The following GATC variants were observed in gnomAD, a reference collection of about 807,000 sequenced individuals.
GATC encodes glutamyl-tRNA amidotransferase subunit C, also known as glutamyl-tRNA(Gln) amidotransferase subunit C, mitochondrial.
Under a neutral mutation model 14.4 loss-of-function variants are expected in GATC, and 11 were observed. That is an observed-to-expected ratio of 0.77 (90% CI 0.48 to 1.27). The LOEUF is 1.27. Ranked by LOEUF, GATC falls within the 50% of genes most tolerant of loss-of-function variation. The pLI, the probability that GATC is intolerant of heterozygous loss-of-function variation, is 0.00. For synonymous variants in GATC, 76 were observed against 79.3 expected, an observed-to-expected ratio of 0.96 and a Z score of 0.22; for missense variants, 204 against 183.0, an observed-to-expected ratio of 1.11 and a Z score of -0.66.
chr12:120,451,895 T>TTTTTTTTTTTTTTTTG (rs1878062112), intron 2 of GATC, among the ~76,000 whole-genome samples: 1 of 144,082 alleles, frequency 6.9e-6, no homozygotes, highest in Non-Finnish European at 1.5e-5. Flanking sequence ...TTTTTTTTTT[T>TTTTTTTTTTTTTTTTG]GAGCTGGAGT....
intron 2 of GATC, among the ~76,000 whole-genome samples, chr12:120,447,901 G>A (rs146068707): frequency 1.1e-4 from 17 of 151,820 alleles, no homozygotes; most frequent in African/African-American, 2.7e-4. Flanking sequence ...CCACAGGCGC[G>A]TGCCACTTGG....
chr12:120,447,259 A>G (rs1877901781), intron 2 of GATC, among the ~76,000 whole-genome samples: 2 of 151,574 alleles, frequency 1.3e-5, no homozygotes, highest in Admixed American at 6.6e-5. Context: ...TTGTATTTTT[A>G]GTAGAGACGT....
At chr12:120,459,367 A>G (rs951299357) in intron 3 of GATC, among the ~76,000 whole-genome samples, 1 of 152,174 alleles carries the variant, frequency 6.6e-6, no homozygotes, top group African/African-American at 2.4e-5. Context: ...TTCTAGTCCT[A>G]TCTGCATATT....
intron 2 of GATC, among the ~76,000 whole-genome samples, chr12:120,451,525 T>G (rs1878044785): frequency 6.6e-6 from 1 of 152,014 alleles, no homozygotes; most frequent in African/African-American, 2.4e-5. Context: ...GTGGATCACC[T>G]GAGGCCAGGA....
rs1048170409 is a variant in GATC at position 120,460,054 on chromosome 12, G to C, written c.*95G>C. On this transcript the variant is annotated 3_prime_UTR_variant, in exon 4 of 4. Coordinates refer to ENST00000551765, the MANE Select transcript of GATC (RefSeq NM_176818.3). ...AATACTAATGTTCCTGCTTTTTTCA[G>C]TCCCCTGAAAAAATGGATGCTCAAG... The C allele has an allele frequency of 3.3e-6, 3 of 917,796 alleles. No homozygotes were observed. The African/African-American group carries it at 5.1e-5, about 16-fold the overall frequency. The allele number at this position is 917,796 out of a possible 1,614,324, so 56.9% of individuals were successfully genotyped here.
At chr12:120,450,485 A>G (rs968781853) in intron 2 of GATC, 1 of 152,406 alleles carries the variant, frequency 6.6e-6, no homozygotes, top group Non-Finnish European at 1.5e-5. Context: ...GGTAACAAGT[A>G]TATAACCAAA....
intron 2 of GATC, among the ~76,000 whole-genome samples, chr12:120,448,627 C>CA (rs1174010268): frequency 1.4e-5 from 2 of 137,974 alleles, no homozygotes; most frequent in African/African-American, 5.6e-5. Flanking sequence ...CTGCACTGGC[C>CA]AAAAAAGTCC....
rs1196467793 is a variant in GATC, at chr12:120,461,462, G to C, written c.*1503G>C. The C allele has an allele frequency of 6.6e-6, 1 of 151,902 alleles. No homozygotes were observed. Among genetic ancestry groups the C allele is most frequent in the Non-Finnish European group, 1.5e-5 (1 of 67,986 alleles). The allele number at this position is 151,902 out of a possible 1,614,324, so 9.4% of individuals were successfully genotyped here. On this transcript the variant is annotated 3_prime_UTR_variant, in exon 4 of 4. Transcript: ENST00000551765. Reference sequence around the variant, plus strand: ...TAAGGCAGCCTAATTTACAAGCTTGGCCTTGAATTAAAAGAGAACCCAGAA... The same window carrying C: ...TAAGGCAGCCTAATTTACAAGCTTGCCCTTGAATTAAAAGAGAACCCAGAA...
chr12:120,454,304 T>C (rs543412293), intron 2 of GATC, among the ~76,000 whole-genome samples: 14 of 152,322 alleles, frequency 9.2e-5, no homozygotes, highest in African/African-American at 3.4e-4. Context: ...TTTTTTAACA[T>C]TTCATTTAAT....
Position 120,461,948 on chromosome 12 carries a change from G to A in GATC, c.*1989G>A, listed in dbSNP as rs1221531797. 7.9e-6 allele frequency: 11 copies of A among 1,395,620 alleles called. No homozygotes were observed. The highest frequency in any genetic ancestry group is 9.5e-6 in the Non-Finnish European group (10 of 1,057,752). 86.5% of individuals were successfully genotyped at this position (1,395,620 alleles called of 1,614,324 possible). On this transcript the variant is annotated 3_prime_UTR_variant, in exon 4 of 4. Transcript: ENST00000551765. ...TCCTAAGACACTAAATCCTCAATCT[G>A]GAATGTAGATTCTGAGCACAAAGCA...
chr12:120,458,171 CCTCTGCCTCCCGGGTTCAAGCAATT>C (rs1273600009), intron 3 of GATC, among the ~76,000 whole-genome samples: 1 of 149,908 alleles, frequency 6.7e-6, no homozygotes, highest in African/African-American at 2.5e-5. Flanking sequence ...CTCACTGCAA[CCTCTGCCTCCCGGGTTCAAGCAATT>C]CTCTGCCTCA....
intron 2 of GATC, among the ~76,000 whole-genome samples, chr12:120,454,329 T>C (rs556927970): frequency 2.0e-5 from 3 of 152,332 alleles, no homozygotes; most frequent in Admixed American, 2.0e-4. Context: ...CCAGAAATCC[T>C]ATGAAGCATT....
At position 120,448,331 on chromosome 12, in the gene GATC, G is replaced by GTT. The variant is rs34872230; in HGVS notation, c.254+1516_254+1517dup. Among the ~76,000 whole-genome samples, 856 of 140,672 alleles carry GTT rather than the reference G, an allele frequency of 6.1e-3. 4 individuals carry two copies. The highest frequency in any genetic ancestry group is 6.6e-3 in the Admixed American group (91 of 13,868). The allele number at this position is 140,672 out of a possible 152,430, so 92.3% of individuals were successfully genotyped here. A position where few individuals can be genotyped will look rare whatever the true frequency, so the allele number is the denominator to read the frequency against. ...CTCAGCCTCCCACTTCCTCAAGAAA[G>GTT]TTTTTTTTTTTTTTTGAGGTGGAGT... is the stretch of plus-strand genomic sequence containing the variant. On this transcript the variant is annotated intron_variant, in intron 2 of 3. Coordinates refer to ENST00000551765, the MANE Select transcript of GATC (RefSeq NM_176818.3).
chr12:120,454,552 G>C (rs1476127677), intron 2 of GATC, among the ~76,000 whole-genome samples: 2 of 149,526 alleles, frequency 1.3e-5, no homozygotes, highest in African/African-American at 4.9e-5. Context: ...CTCGCTACAG[G>C]CCCCCGCCAC....
chr12:120,446,932 C>A, intron 2 of GATC, 103 bp downstream of exon 2: 1 of 1,196,742 alleles, frequency 8.4e-7, no homozygotes, highest in Non-Finnish European at 1.2e-6. Context: ...AGAGTGTTAG[C>A]AAGATTCAGG....
At chr12:120,459,867 A>G in intron 3 of GATC, 40 bp from the exon 4 acceptor site, 1 of 1,554,082 alleles carries the variant, frequency 6.4e-7, no homozygotes. Flanking sequence ...AACAAAAACA[A>G]ACAAACAAAC....
chr12:120,459,167 A>C (rs1047787441), intron 3 of GATC, among the ~76,000 whole-genome samples: 2 of 151,936 alleles, frequency 1.3e-5, no homozygotes, highest in African/African-American at 4.8e-5. Flanking sequence ...CCGTGAGCTA[A>C]ACTCTTAATC....
At chr12:120,452,284 G>C (rs1279477899) in intron 2 of GATC, among the ~76,000 whole-genome samples, 1 of 152,132 alleles carries the variant, frequency 6.6e-6, no homozygotes, top group Non-Finnish European at 1.5e-5. Flanking sequence ...TGTGCCCAAA[G>C]TTTCACAGGT....
rs774378465 is a variant in GATC at position 120,463,643 on chromosome 12, G to T, written c.*3684G>T. 1.1e-4 allele frequency: 22 copies of T among 208,186 alleles called. No homozygotes were observed. Among genetic ancestry groups the T allele is most frequent in the Non-Finnish European group, 1.7e-4 (18 of 103,732 alleles). 12.9% of individuals were successfully genotyped at this position (208,186 alleles called of 1,614,324 possible). A position where few individuals can be genotyped will look rare whatever the true frequency, so the allele number is the denominator to read the frequency against. On this transcript the variant is annotated 3_prime_UTR_variant, in exon 4 of 4. Transcript: ENST00000551765. Reference sequence around the variant, plus strand: ...GCCATTTAAGCTGGTTGTGAATGGGGTGGTATGAAGACCGACTGCACTAGT... The same window carrying T: ...GCCATTTAAGCTGGTTGTGAATGGGTTGGTATGAAGACCGACTGCACTAGT...
Sources: allele counts gnomAD v4.1 joint callset (sites outside exome capture counted in the v4.1 genomes callset), GRCh38; gene constraint gnomAD v4.1.1; transcripts MANE v1.5; gene names NCBI Gene and HGNC (gene_info 2026-07-23, HGNC 2026-07-21).